The following CSMD1 variants were observed in gnomAD, a reference collection of about 807,000 sequenced individuals.
CSMD1 encodes CUB and Sushi multiple domains 1.
Under a neutral mutation model 417.5 loss-of-function variants are expected in CSMD1, and 213 were observed. The observed-to-expected ratio is 0.51, with a 90% CI of 0.46 to 0.57. The LOEUF (loss-of-function observed/expected upper bound fraction) is 0.57, where lower values mean the gene tolerates loss of function less well. Ranked by LOEUF, CSMD1 falls within the 20% of genes least tolerant of loss-of-function variation. The pLI, the probability that CSMD1 is intolerant of heterozygous loss-of-function variation, is 0.00. For synonymous variants in CSMD1, 2,862 were observed against 1,736.8 expected, an observed-to-expected ratio of 1.65 and a Z score of -16.11; for missense variants, 6,923 against 4,529.7, an observed-to-expected ratio of 1.53 and a Z score of -15.17.
intron 1 of CSMD1, among the ~76,000 whole-genome samples, chr8:4,991,135 C>T (rs13249975): frequency 0.27 from 40,976 of 152,020 alleles, 6,732 homozygotes; most frequent in Middle Eastern, 0.43. Context: ...AAGGAAACTT[C>T]TTCCAAACAG....
intron 2 of CSMD1, among the ~76,000 whole-genome samples, chr8:4,456,979 T>TC (rs1307730807): frequency 4.7e-5 from 5 of 105,572 alleles, no homozygotes; most frequent in Non-Finnish European, 7.9e-5. Flanking sequence ...GAGTGTGGTT[T>TC]TTTTTTAAAA....
intron 5 of CSMD1, among the ~76,000 whole-genome samples, chr8:3,952,216 A>G (rs1811643160): frequency 6.6e-6 from 1 of 152,154 alleles, no homozygotes; most frequent in Non-Finnish European, 1.5e-5. Flanking sequence ...AATTTTCATA[A>G]TAAGAAGATT....
chr8:3,850,069 T>A (rs1299414067), intron 5 of CSMD1, among the ~76,000 whole-genome samples: 1 of 152,232 alleles, frequency 6.6e-6, no homozygotes, highest in African/African-American at 2.4e-5. Flanking sequence ...GTGTTGGGAT[T>A]ACAGGCATGA....
intron 1 of CSMD1, among the ~76,000 whole-genome samples, chr8:4,766,995 T>C (rs186235013): frequency 6.4e-4 from 97 of 152,322 alleles, no homozygotes; most frequent in African/African-American, 2.2e-3. Context: ...ATTTCTTAGC[T>C]CTTGTCTTCT....
rs989328775 is a variant in CSMD1, at chr8:3,433,742, G to C, written c.1562-24137C>G. Among the ~76,000 whole-genome samples, 5 of 152,264 alleles carry C rather than the reference G, an allele frequency of 3.3e-5. No individual in the cohort carries two copies. The East Asian group carries it at 7.7e-4, about 23-fold the overall frequency. On this transcript the variant is annotated intron_variant, in intron 12 of 69. Transcript: ENST00000635120. ...ATTTTCTAATCTGAAGTTAAATTCA[G>C]GCTTGTGTTGACTTTTATTTCCCTA...
chr8:4,103,848 G>T (rs1037476092), intron 3 of CSMD1, among the ~76,000 whole-genome samples: 3 of 152,122 alleles, frequency 2.0e-5, no homozygotes, highest in African/African-American at 7.2e-5. Context: ...TAACTCCCTG[G>T]CAGCATTGTC....
At chr8:3,372,128 G>C (rs1254380390) in intron 18 of CSMD1, among the ~76,000 whole-genome samples, 1 of 152,206 alleles carries the variant, frequency 6.6e-6, no homozygotes. Flanking sequence ...AAAGGGATGG[G>C]ATAGTGTGAG....
intron 3 of CSMD1, among the ~76,000 whole-genome samples, chr8:4,363,349 C>G (rs1801884646): frequency 6.6e-6 from 1 of 152,140 alleles, no homozygotes; most frequent in African/African-American, 2.4e-5. Flanking sequence ...GTTTTAGGTA[C>G]TCGTATGTGT....
intron 2 of CSMD1, among the ~76,000 whole-genome samples, chr8:4,495,371 C>T (rs1009791091): frequency 5.3e-5 from 8 of 152,052 alleles, no homozygotes; most frequent in Admixed American, 2.0e-4. Context: ...GTCAAGGGTT[C>T]GAGACTAGCA....
At chr8:4,152,540 A>AG (rs1314877489) in intron 3 of CSMD1, among the ~76,000 whole-genome samples, 1,569 of 148,318 alleles carry the variant, frequency 0.011, 40 homozygotes, top group African/African-American at 0.037. Flanking sequence ...AAAAAAAAAA[A>AG]TTAGCTAGTC....
At chr8:4,975,744 C>T (rs1190687541) in intron 1 of CSMD1, among the ~76,000 whole-genome samples, 1 of 152,144 alleles carries the variant, frequency 6.6e-6, no homozygotes, top group Non-Finnish European at 1.5e-5. Flanking sequence ...ACAATGAAGA[C>T]ACGGCCAACT....
At chr8:3,594,092 C>G (rs558251933) in intron 8 of CSMD1, among the ~76,000 whole-genome samples, 1 of 152,176 alleles carries the variant, frequency 6.6e-6, no homozygotes, top group African/African-American at 2.4e-5. Flanking sequence ...ATCTAATATT[C>G]TTCAGCATCT....
At chr8:3,057,845 C>T (rs1371570424) in intron 49 of CSMD1, among the ~76,000 whole-genome samples, 1 of 152,164 alleles carries the variant, frequency 6.6e-6, no homozygotes, top group African/African-American at 2.4e-5. Context: ...TTCATAATTT[C>T]ATTTTCAGTT....
At chr8:4,445,336 A>T (rs114941444) in intron 2 of CSMD1, among the ~76,000 whole-genome samples, 1 of 152,314 alleles carries the variant, frequency 6.6e-6, no homozygotes, top group Middle Eastern at 3.4e-3. Flanking sequence ...TGTATACTTC[A>T]GAAGTGTATG....
chr8:3,495,275 G>A (rs1796317290), intron 10 of CSMD1, among the ~76,000 whole-genome samples: 1 of 152,122 alleles, frequency 6.6e-6, no homozygotes, highest in African/African-American at 2.4e-5. Flanking sequence ...AAAACTGAAA[G>A]AATCATCACT....
At chr8:3,218,405 C>CA (rs1161367628) in intron 29 of CSMD1, among the ~76,000 whole-genome samples, 6 of 150,972 alleles carry the variant, frequency 4.0e-5, no homozygotes, top group Non-Finnish European at 8.9e-5. Flanking sequence ...ACTAAAAATA[C>CA]AAAAAATCAG....
intron 11 of CSMD1, among the ~76,000 whole-genome samples, chr8:3,469,420 T>C (rs1189765239): frequency 6.6e-6 from 1 of 152,198 alleles, no homozygotes; most frequent in African/African-American, 2.4e-5. Flanking sequence ...GCAGCATTTA[T>C]TGAACACTCC....
Position 4,429,946 on chromosome 8 carries a change from G to T in CSMD1, c.303-9881C>A, listed in dbSNP as rs192545340. On this transcript the variant is annotated intron_variant, in intron 2 of 69. Transcript: ENST00000635120. ...TGGTCACCCATCAGGGAATGAAAAA[G>T]ACAAGAGGCAAAGGGGAGAATCCAC... 6.4e-3 allele frequency among the ~76,000 whole-genome samples: 975 copies of T among 152,234 alleles called. 7 individuals carry two copies. Among genetic ancestry groups the T allele is most frequent in the Non-Finnish European group, 1.0e-2 (679 of 68,022 alleles).
intron 11 of CSMD1, among the ~76,000 whole-genome samples, chr8:3,482,876 A>AGC (rs1817825194): frequency 1.3e-5 from 2 of 152,198 alleles, no homozygotes; most frequent in African/African-American, 4.8e-5. Flanking sequence ...ATTTCTAAAT[A>AGC]ATCCATGATT....
Sources: allele counts gnomAD v4.1 joint callset (sites outside exome capture counted in the v4.1 genomes callset), GRCh38; gene constraint gnomAD v4.1.1; transcripts MANE v1.5; gene names NCBI Gene and HGNC (gene_info 2026-07-23, HGNC 2026-07-21).